The following RBFOX1 variants were observed in gnomAD, a reference collection of about 807,000 sequenced individuals.
RBFOX1 encodes RNA binding protein fox-1 homolog 1.
A neutral mutation model predicts 57.7 loss-of-function variants in RBFOX1; 8 were observed. That is an observed-to-expected ratio of 0.14 (90% CI 0.08 to 0.25). The LOEUF (loss-of-function observed/expected upper bound fraction) is 0.25, where lower values mean the gene tolerates loss of function less well. Ranked by LOEUF, RBFOX1 falls within the 10% of genes least tolerant of loss-of-function variation. The pLI is 1.00. For missense variants in RBFOX1, 611 were observed against 548.5 expected (o/e 1.11, Z -1.14); for synonymous variants, 326 against 222.4 (o/e 1.47, Z -4.15).
chr16:6,999,787 A>T (rs750442232), intron 3 of RBFOX1, among the ~76,000 whole-genome samples: 8 of 152,086 alleles, frequency 5.3e-5, no homozygotes, highest in Non-Finnish European at 4.4e-5. Context: ...AAAATTAGCA[A>T]TAGGCCAGGC....
chr16:6,267,150 C>A (rs1598986864), intron 1 of RBFOX1, among the ~76,000 whole-genome samples: 1 of 151,988 alleles, frequency 6.6e-6, no homozygotes, highest in Middle Eastern at 3.4e-3. Flanking sequence ...TTATTTATGG[C>A]AAACTCTGGA....
chr16:6,685,180 T>C (rs1299177538), intron 3 of RBFOX1, among the ~76,000 whole-genome samples: 1 of 152,126 alleles, frequency 6.6e-6, no homozygotes, highest in Non-Finnish European at 1.5e-5. Context: ...CCTGCTGTAC[T>C]TACTAACCAA....
intron 3 of RBFOX1, among the ~76,000 whole-genome samples, chr16:6,762,451 A>T (rs1197002035): frequency 6.6e-6 from 1 of 152,134 alleles, no homozygotes; most frequent in Non-Finnish European, 1.5e-5. Flanking sequence ...TGGATTACCT[A>T]CCTGTAAGAA....
intron 2 of RBFOX1, among the ~76,000 whole-genome samples, chr16:5,580,987 G>A (rs373563731): frequency 1.3e-5 from 2 of 152,214 alleles, no homozygotes; most frequent in East Asian, 1.9e-4. Flanking sequence ...CTCTTCAGGA[G>A]AGGCTGGGAT....
At chr16:6,284,183 A>C (rs1478106457) in intron 1 of RBFOX1, among the ~76,000 whole-genome samples, 2 of 152,236 alleles carry the variant, frequency 1.3e-5, no homozygotes, top group Admixed American at 1.3e-4. Flanking sequence ...AGCAGCTACA[A>C]AATATAATTC....
chr16:7,518,011 C>T (rs1038386043), intron 4 of RBFOX1, 136 bp from the exon 5 acceptor site: 15 of 1,014,668 alleles, frequency 1.5e-5, no homozygotes, highest in Non-Finnish European at 1.8e-5. Context: ...GAGATTGGTC[C>T]ATCTCAGGCT....
chr16:6,181,559 A>C (rs1425140332), intron 1 of RBFOX1, among the ~76,000 whole-genome samples: 1 of 152,168 alleles, frequency 6.6e-6, no homozygotes, highest in African/African-American at 2.4e-5. Context: ...GCATCCTATT[A>C]GCCAGGAAAG....
intron 3 of RBFOX1, among the ~76,000 whole-genome samples, chr16:6,708,418 T>C (rs888912783): frequency 5.9e-5 from 9 of 152,226 alleles, no homozygotes; most frequent in Admixed American, 1.3e-4. Context: ...TCTAAAATTA[T>C]AGGATTTTGT....
chr16:7,317,107 G>A (rs2096458591), intron 4 of RBFOX1, among the ~76,000 whole-genome samples: 1 of 152,082 alleles, frequency 6.6e-6, no homozygotes, highest in Non-Finnish European at 1.5e-5. Flanking sequence ...GAAAGCTGAG[G>A]ACGGGGGTGT....
rs886437109 is a variant in RBFOX1, at chr16:6,670,031, C to T, written c.-16+15381C>T. On this transcript the variant is annotated intron_variant, in intron 3 of 15. Coordinates refer to ENST00000550418, the MANE Select transcript of RBFOX1 (RefSeq NM_018723.4). ...TGTCTATCTATCTATCTGTCTATCT[C>T]TATATATTGAGACAGGGCCTTGCTC... Among the ~76,000 whole-genome samples, 7 of 152,280 alleles carry T rather than the reference C, an allele frequency of 4.6e-5. No individual in the cohort carries two copies. In the Middle Eastern group the frequency reaches 0.01, roughly 222 times the overall value.
intron 4 of RBFOX1, among the ~76,000 whole-genome samples, chr16:7,426,441 G>C (rs2098613549): frequency 6.6e-6 from 1 of 152,148 alleles, no homozygotes; most frequent in African/African-American, 2.4e-5. Flanking sequence ...GAATGCATTA[G>C]CCCAGCTCTT....
At chr16:5,812,868 T>G (rs887980805) in intron 3 of RBFOX1, among the ~76,000 whole-genome samples, 3 of 152,230 alleles carry the variant, frequency 2.0e-5, no homozygotes, top group African/African-American at 7.2e-5. Context: ...ATCTTTCAAC[T>G]TCTGGTTTTC....
At chr16:6,017,221 T>C (rs1168115407), upstream of RBFOX1, among the ~76,000 whole-genome samples, 1 of 152,222 alleles carries the variant, frequency 6.6e-6, no homozygotes, top group African/African-American at 2.4e-5. Flanking sequence ...CTTTCTGGAA[T>C]AAAAAATGAA....
In RBFOX1 at chr16:6,033,960, A is replaced by G. The variant is rs138902701; in HGVS notation, c.-127+13968A>G. Among the ~76,000 whole-genome samples the G allele has an allele frequency of 1.9e-3, 285 of 152,328 alleles. 2 individuals carry two copies. The highest frequency in any genetic ancestry group is 6.6e-3 in the African/African-American group (275 of 41,570). ...TGACTTGGCTACCGTGATGACTGTC[A>G]TGAATTATGTCCCTATTGGAAGTGT... On this transcript the variant is annotated intron_variant, in intron 1 of 15. Transcript: ENST00000550418.
At chr16:6,577,907 G>A (rs184333845) in intron 2 of RBFOX1, among the ~76,000 whole-genome samples, 1 of 152,308 alleles carries the variant, frequency 6.6e-6, no homozygotes, top group African/African-American at 2.4e-5. Context: ...ATTTTTTACT[G>A]CAATGTCATA....
At chr16:6,964,668 C>T (rs1235605197) in intron 3 of RBFOX1, among the ~76,000 whole-genome samples, 1 of 152,144 alleles carries the variant, frequency 6.6e-6, no homozygotes, top group Non-Finnish European at 1.5e-5. Flanking sequence ...AAACTCATTC[C>T]TTCCCAGGAT....
intron 5 of RBFOX1, among the ~76,000 whole-genome samples, chr16:7,555,577 G>T (rs956635242): frequency 6.6e-6 from 1 of 152,154 alleles, no homozygotes; most frequent in Admixed American, 6.5e-5. Flanking sequence ...AGACTACAAA[G>T]ACCTGCGTGA....
intron 4 of RBFOX1, among the ~76,000 whole-genome samples, chr16:7,089,108 T>C (rs1436638942): frequency 6.6e-6 from 1 of 152,228 alleles, no homozygotes; most frequent in Non-Finnish European, 1.5e-5. Flanking sequence ...GACATTTTCC[T>C]TTGTAGCGAC....
intron 2 of RBFOX1, among the ~76,000 whole-genome samples, chr16:5,596,763 C>G (rs1202088318): frequency 1.3e-5 from 2 of 152,228 alleles, no homozygotes; most frequent in African/African-American, 4.8e-5. Flanking sequence ...TGGACATTCT[C>G]TCAAAGGAGA....
Sources: gnomAD v4.1 joint callset for allele counts (sites outside exome capture counted in the v4.1 genomes callset) on GRCh38, gnomAD v4.1.1 for gene constraint, MANE v1.5 for transcripts, NCBI Gene and HGNC (gene_info 2026-07-23, HGNC 2026-07-21) for gene names.